GRIK4: variants seen among roughly 807,000 people sequenced by gnomAD.
The protein encoded by GRIK4 is glutamate receptor ionotropic, kainate 4.
In GRIK4, 40 loss-of-function variants were observed where a neutral mutation model predicts 104.9. The ratio of observed to expected loss-of-function variants is 0.38; its 90% CI spans 0.30 to 0.50. GRIK4 has a LOEUF of 0.50. Ranked by LOEUF, GRIK4 falls within the 20% of genes least tolerant of loss-of-function variation. GRIK4 has a pLI of 0.93. For synonymous variants in GRIK4, 485 were observed against 524.9 expected, an observed-to-expected ratio of 0.92 and a Z score of 1.04; for missense variants, 1,047 against 1,308.1, an observed-to-expected ratio of 0.80 and a Z score of 3.08.
At chr11:120,790,359 T>G (rs551052642) in intron 3 of GRIK4, among the ~76,000 whole-genome samples, 1 of 152,166 alleles carries the variant, frequency 6.6e-6, no homozygotes, top group South Asian at 2.1e-4. Flanking sequence ...ACACAATAAG[T>G]GCTTTGGAGG....
rs1371706371 is a variant in GRIK4 at position 120,956,761 on chromosome 11, T to C, written c.1701-19T>C. On this transcript the variant is annotated intron_variant, in intron 15 of 20. Transcript: ENST00000527524. This position sits in a 1 kb window ranked among gnomAD's most constrained non-coding sequence, Gnocchi z 4.6. ...ACCCCGCCTCTGTGGCACTAGTGTA[T>C]GTTCCTTTTCTCCCACAGGTTGACG... The C allele has an allele frequency of 2.0e-6, 3 of 1,533,714 alleles. No individual in the cohort carries two copies. Among genetic ancestry groups the C allele is most frequent in the Non-Finnish European group, 2.7e-6 (3 of 1,131,284 alleles).
intron 13 of GRIK4, among the ~76,000 whole-genome samples, chr11:120,907,449 C>G (rs1307024176): frequency 6.6e-6 from 1 of 152,168 alleles, no homozygotes; most frequent in Admixed American, 6.5e-5. Context: ...GAATTCACCC[C>G]AGATCTTTCA....
At chr11:120,546,065 G>T (rs574724623) in intron 1 of GRIK4, among the ~76,000 whole-genome samples, 7 of 152,288 alleles carry the variant, frequency 4.6e-5, no homozygotes, top group South Asian at 2.1e-4. Flanking sequence ...CATGACCAAA[G>T]AATCCGTGGT....
intron 18 of GRIK4, among the ~76,000 whole-genome samples, chr11:120,964,993 G>T (rs543003326): frequency 3.9e-4 from 60 of 152,178 alleles, no homozygotes; most frequent in Non-Finnish European, 7.2e-4. Context: ...AGCTAGCCCA[G>T]CTTCCCACAT....
At chr11:120,942,659 A>G (rs1272786241) in intron 14 of GRIK4, among the ~76,000 whole-genome samples, 1 of 152,130 alleles carries the variant, frequency 6.6e-6, no homozygotes, top group Non-Finnish European at 1.5e-5. Flanking sequence ...ACAATTCACC[A>G]ATCCTCTGGA....
chr11:120,709,105 C>T (rs550308306), intron 3 of GRIK4, among the ~76,000 whole-genome samples: 2 of 152,200 alleles, frequency 1.3e-5, no homozygotes, highest in East Asian at 3.9e-4. Context: ...AAAGGGAGGG[C>T]CAAGGATCAC....
intron 1 of GRIK4, among the ~76,000 whole-genome samples, chr11:120,598,888 GC>G (rs1260536553): frequency 6.6e-6 from 1 of 152,226 alleles, no homozygotes; most frequent in Non-Finnish European, 1.5e-5. Context: ...TGTCCGGTTG[GC>G]CAAAGGAAGT....
At chr11:120,968,280 G>A (rs567622499) in intron 19 of GRIK4, among the ~76,000 whole-genome samples, 6 of 152,298 alleles carry the variant, frequency 3.9e-5, no homozygotes, top group South Asian at 4.1e-4. Context: ...TTGTAGATCA[G>A]TTAATGCCTA....
chr11:120,734,077 A>G (rs1485841877), intron 3 of GRIK4, among the ~76,000 whole-genome samples: 2 of 152,104 alleles, frequency 1.3e-5, no homozygotes, highest in African/African-American at 4.8e-5. Flanking sequence ...TACATCCCAC[A>G]ATTCCAGGAT....
chr11:120,687,530 GTGT>G lies in GRIK4; in HGVS notation c.82+27141_82+27143del, dbSNP rs201130946. ...TCACCTGTGAATCTGTTTCTATTGT[GTGT>G]TGTTGTTGTTTTTTCCCTCTTAGAT... On this transcript the variant is annotated intron_variant, in intron 3 of 20. Transcript: ENST00000527524. 4.9e-3 allele frequency among the ~76,000 whole-genome samples: 746 copies of G among 152,114 alleles called. 9 individuals are homozygous for G. The highest frequency in any genetic ancestry group is 0.017 in the African/African-American group (720 of 41,476).
At chr11:120,798,121 G>A (rs1459969291) in intron 3 of GRIK4, among the ~76,000 whole-genome samples, 7 of 149,908 alleles carry the variant, frequency 4.7e-5, no homozygotes, top group East Asian at 2.0e-4. Flanking sequence ...CTATCCTCAC[G>A]TGGCGGAGAG....
chr11:120,742,081 C>T (rs1173334774), intron 3 of GRIK4, among the ~76,000 whole-genome samples: 1 of 152,164 alleles, frequency 6.6e-6, no homozygotes, highest in Non-Finnish European at 1.5e-5. Context: ...CATGGTGGCT[C>T]ATGCCTGTAA....
At position 120,897,601 on chromosome 11, in the gene GRIK4, C is replaced by CAAA. The variant is rs56807699; in HGVS notation, c.1165-907_1165-905dup. On this transcript the variant is annotated intron_variant, in intron 11 of 20. Coordinates refer to ENST00000527524, the MANE Select transcript of GRIK4 (RefSeq NM_014619.5). ...TGGGTGACAGAACAAGACTCCTTCT[C>CAAA]AAAAAAAAAAAAAAAAAAAAAAAAA... Among the ~76,000 whole-genome samples, 58 of 13,054 alleles carry CAAA rather than the reference C, an allele frequency of 4.4e-3. 12 individuals are homozygous for CAAA. The highest frequency in any genetic ancestry group is 6.2e-3 in the Non-Finnish European group (37 of 5,978). The allele number at this position is 13,054 out of a possible 152,430, so 8.6% of individuals were successfully genotyped here.
intron 1 of GRIK4, among the ~76,000 whole-genome samples, chr11:120,514,145 G>A (rs1204102868): frequency 2.0e-5 from 3 of 152,170 alleles, no homozygotes; most frequent in Non-Finnish European, 4.4e-5. Context: ...GAGAAGCAGC[G>A]AGGCGGAAGC....
intron 3 of GRIK4, among the ~76,000 whole-genome samples, chr11:120,783,333 C>T (rs752173355): frequency 7.2e-5 from 11 of 151,754 alleles, no homozygotes; most frequent in South Asian, 2.1e-4. Context: ...TTCTGCTTGG[C>T]GCTGCCTCCT....
chr11:120,862,974 A>C (rs1954302193), intron 9 of GRIK4, among the ~76,000 whole-genome samples: 1 of 152,184 alleles, frequency 6.6e-6, no homozygotes, highest in Admixed American at 6.5e-5. Context: ...CAGATGATAA[A>C]ACCGAAGCCC....
intron 3 of GRIK4, among the ~76,000 whole-genome samples, chr11:120,712,988 C>T (rs930014899): frequency 5.3e-5 from 8 of 152,160 alleles, no homozygotes; most frequent in African/African-American, 1.2e-4. Flanking sequence ...CAGTTTCCTG[C>T]GTGAGCCTGG....
At chr11:120,723,691 C>T (rs1950973018) in intron 3 of GRIK4, among the ~76,000 whole-genome samples, 1 of 152,134 alleles carries the variant, frequency 6.6e-6, no homozygotes, top group Admixed American at 6.5e-5. Flanking sequence ...AAAACAGGGC[C>T]AGTTAGTGTG....
intron 3 of GRIK4, among the ~76,000 whole-genome samples, chr11:120,718,157 C>G (rs1413843185): frequency 1.3e-5 from 2 of 152,100 alleles, no homozygotes; most frequent in African/African-American, 2.4e-5. Flanking sequence ...CCAGGGTGTT[C>G]CTCCCTCTCC....
Sources: allele counts gnomAD v4.1 joint callset (sites outside exome capture counted in the v4.1 genomes callset), GRCh38; gene constraint gnomAD v4.1.1; non-coding constraint Gnocchi (gnomAD v3.1); transcripts MANE v1.5; gene names NCBI Gene and HGNC (gene_info 2026-07-23, HGNC 2026-07-21).